Variants in RSBN1L observed in about 807,000 individuals in gnomAD.
RSBN1L encodes round spermatid basic protein 1 like.
In RSBN1L, 30 loss-of-function variants were observed where a neutral mutation model predicts 67.7. The ratio of observed to expected loss-of-function variants is 0.44; its 90% CI spans 0.33 to 0.60. The LOEUF is 0.60. Ranked by LOEUF, RSBN1L falls within the 20% of genes least tolerant of loss-of-function variation. RSBN1L has a pLI of 0.02. For synonymous variants in RSBN1L, 433 were observed against 387.0 expected, an observed-to-expected ratio of 1.12 and a Z score of -1.39; for missense variants, 992 against 1,031.7, an observed-to-expected ratio of 0.96 and a Z score of 0.53.
intron 1 of RSBN1L, among the ~76,000 whole-genome samples, chr7:77,735,877 A>G (rs1791327436): frequency 6.6e-6 from 1 of 152,150 alleles, no homozygotes; most frequent in South Asian, 2.1e-4. Context: ...GAGTCATACT[A>G]TTTTTAAAAG....
chr7:77,709,520 C>A (rs1790945035), intron 1 of RSBN1L, among the ~76,000 whole-genome samples: 2 of 152,198 alleles, frequency 1.3e-5, no homozygotes, highest in Non-Finnish European at 2.9e-5. Context: ...AAACTCCTGA[C>A]CTCAGGTGAT....
rs1176604920 is a variant in RSBN1L at position 77,713,010 on chromosome 7, TAA to T, written c.586+15956_586+15957del. Among the ~76,000 whole-genome samples the T allele has an allele frequency of 5.3e-5, 8 of 152,356 alleles. No homozygotes were observed. The East Asian group carries it at 1.4e-3, about 26-fold the overall frequency. On this transcript the variant is annotated intron_variant, in intron 1 of 7. Transcript: ENST00000334955. Reference sequence around the variant, plus strand: ...CCATTTTTTACATTCTTTCCAATGCTAAGTTTTCTCAGATTTCAAAATCTTCC... The same window carrying T: ...CCATTTTTTACATTCTTTCCAATGCTGTTTTCTCAGATTTCAAAATCTTCC...
At chr7:77,697,146 G>C in intron 1 of RSBN1L, 91 bp downstream of exon 1, 1 of 1,273,858 alleles carries the variant, frequency 7.9e-7, no homozygotes. Flanking sequence ...GGAGCGCGGC[G>C]GCCGCGTGCG....
intron 4 of RSBN1L, among the ~76,000 whole-genome samples, chr7:77,766,154 C>A (rs574998490): frequency 6.6e-6 from 1 of 152,300 alleles, no homozygotes; most frequent in African/African-American, 2.4e-5. Context: ...GTTTCATCAT[C>A]CATAAAATAA....
At chr7:77,763,325 G>A (rs967838902) in intron 3 of RSBN1L, among the ~76,000 whole-genome samples, 1 of 151,890 alleles carries the variant, frequency 6.6e-6, no homozygotes, top group African/African-American at 2.4e-5. Context: ...GAAAATTTGT[G>A]TTTTACAATA....
chr7:77,741,238 C>G (rs1562802120), intron 2 of RSBN1L, among the ~76,000 whole-genome samples: 1 of 151,720 alleles, frequency 6.6e-6, no homozygotes, highest in Non-Finnish European at 1.5e-5. Flanking sequence ...CCACCCGCCT[C>G]AGCCTCCCAA....
chr7:77,734,870 A>C (rs1305404750), intron 1 of RSBN1L, among the ~76,000 whole-genome samples: 2 of 152,148 alleles, frequency 1.3e-5, no homozygotes, highest in Non-Finnish European at 2.9e-5. Context: ...GTGGCAAACC[A>C]ATCAGAAGTG....
In RSBN1L at chr7:77,778,935, A is replaced by G; in HGVS notation, c.2308A>G (p.Asn770Asp). ...AATCAAGGAAGAACCTGTGAATGTT[A>G]ATATTCCTGAAAAGACTACAGCACT... Reference protein sequence around the residue: ...VRIKEEPVNVNIPEKTTALNN... With the variant: ...VRIKEEPVNVDIPEKTTALNN... Residue 770 changes from asparagine to aspartate, a missense_variant, in exon 8 of 8, where the codon AAT (asparagine) becomes GAT (aspartate). This residue lies in a region of RSBN1L where 199 missense variants were observed against 167.7 expected (regional missense o/e 1.19). Transcript: ENST00000334955. 2 of 1,613,958 alleles carry G rather than the reference A, an allele frequency of 1.2e-6. No individual in the cohort carries two copies. The highest frequency in any genetic ancestry group is 1.7e-4 in the Middle Eastern group (1 of 6,060).
intron 1 of RSBN1L, among the ~76,000 whole-genome samples, chr7:77,705,790 C>T (rs969633046): frequency 1.1e-4 from 16 of 152,130 alleles, no homozygotes; most frequent in African/African-American, 3.9e-4. Context: ...GCATGAGCCA[C>T]CACGCCTGGC....
At chr7:77,745,754 A>C (rs1017892753) in intron 2 of RSBN1L, among the ~76,000 whole-genome samples, 2 of 152,208 alleles carry the variant, frequency 1.3e-5, no homozygotes, top group Non-Finnish European at 2.9e-5. Context: ...ATTATACATT[A>C]TAATATGTAA....
intron 1 of RSBN1L, among the ~76,000 whole-genome samples, chr7:77,707,815 G>A (rs1790915554): frequency 6.6e-6 from 1 of 152,138 alleles, no homozygotes; most frequent in Admixed American, 6.5e-5. Flanking sequence ...GGTGCACCAT[G>A]AGCTGGGATA....
chr7:77,727,482 G>T (rs1791221671), intron 1 of RSBN1L, among the ~76,000 whole-genome samples: 1 of 152,064 alleles, frequency 6.6e-6, no homozygotes, highest in Admixed American at 6.5e-5. Flanking sequence ...GTTTAGATAA[G>T]AATTGTCACT....
At chr7:77,726,721 T>G (rs1162534900) in intron 1 of RSBN1L, among the ~76,000 whole-genome samples, 1 of 151,242 alleles carries the variant, frequency 6.6e-6, no homozygotes. Context: ...GCGATTCTCT[T>G]GTCTCAGCTT....
intron 4 of RSBN1L, among the ~76,000 whole-genome samples, chr7:77,768,077 G>C (rs1288643561): frequency 6.6e-6 from 1 of 150,744 alleles, no homozygotes; most frequent in Admixed American, 6.6e-5. Context: ...TCGATATCTT[G>C]ATATCTTGAC....
intron 1 of RSBN1L, among the ~76,000 whole-genome samples, chr7:77,730,060 C>A (rs1791254582): frequency 6.6e-6 from 1 of 152,128 alleles, no homozygotes; most frequent in Non-Finnish European, 1.5e-5. Flanking sequence ...AGCCCATGTT[C>A]ATTTTTCCAC....
intron 1 of RSBN1L, among the ~76,000 whole-genome samples, chr7:77,706,241 TA>T (rs1384229900): frequency 6.6e-6 from 1 of 152,078 alleles, no homozygotes; most frequent in Non-Finnish European, 1.5e-5. Flanking sequence ...TACGTTGGGC[TA>T]ATTTTTTGTA....
At chr7:77,713,074 A>G (rs575178690) in intron 1 of RSBN1L, among the ~76,000 whole-genome samples, 5 of 152,328 alleles carry the variant, frequency 3.3e-5, no homozygotes, top group African/African-American at 1.2e-4. Context: ...ATTTGCATTT[A>G]TTAATGATTA....
At chr7:77,708,909 T>C (rs956085703) in intron 1 of RSBN1L, among the ~76,000 whole-genome samples, 7 of 152,088 alleles carry the variant, frequency 4.6e-5, no homozygotes, top group African/African-American at 1.4e-4. Context: ...TAGAGAGAAA[T>C]ATATGATAAA....
At chr7:77,768,612 A>C in intron 4 of RSBN1L, 49 bp from the exon 5 acceptor site, 1 of 1,527,344 alleles carries the variant, frequency 6.5e-7, no homozygotes, top group Non-Finnish European at 9.1e-7. Context: ...CATACACTTG[A>C]AGATACATTT....
Sources: allele counts gnomAD v4.1 joint callset (sites outside exome capture counted in the v4.1 genomes callset), GRCh38; gene constraint gnomAD v4.1.1; regional missense constraint gnomAD v4.1.1; transcripts MANE v1.5; gene names NCBI Gene and HGNC (gene_info 2026-07-23, HGNC 2026-07-21).